The following SPON1 variants were observed in gnomAD, a reference collection of about 807,000 sequenced individuals.
SPON1 encodes the protein spondin-1.
In SPON1, 52 loss-of-function variants were observed where a neutral mutation model predicts 111.7. That is an observed-to-expected ratio of 0.47 (90% CI 0.37 to 0.59). The LOEUF is 0.59. SPON1 is among the 20% of genes least tolerant of loss of function. The pLI is 0.00. For missense variants in SPON1, 957 were observed against 1,068.5 expected (o/e 0.90, Z 1.46); for synonymous variants, 410 against 395.8 (o/e 1.04, Z -0.43).
chr11:14,132,142 G>A (rs1167308245), intron 5 of SPON1, among the ~76,000 whole-genome samples: 1 of 152,146 alleles, frequency 6.6e-6, no homozygotes, highest in East Asian at 1.9e-4. Context: ...GCTGGGCGTG[G>A]TGGCGGACGC....
At chr11:13,989,886 T>C (rs1223503174) in intron 2 of SPON1, among the ~76,000 whole-genome samples, 5 of 152,212 alleles carry the variant, frequency 3.3e-5, no homozygotes, top group Admixed American at 6.5e-5. Flanking sequence ...TGAGTTCTAG[T>C]TTGATTGCAC....
chr11:14,098,257 A>C (rs1279546833), intron 5 of SPON1, among the ~76,000 whole-genome samples: 2 of 152,204 alleles, frequency 1.3e-5, no homozygotes, highest in Non-Finnish European at 1.5e-5. Flanking sequence ...CGGCCTCCCA[A>C]AGTGCTGGGA....
chr11:13,995,240 G>C (rs1848262427), intron 2 of SPON1, among the ~76,000 whole-genome samples: 1 of 151,986 alleles, frequency 6.6e-6, no homozygotes, highest in Non-Finnish European at 1.5e-5. Flanking sequence ...CTAATGACCA[G>C]CTATGCAAAA....
At chr11:14,264,302 T>C (rs974141523) in intron 15 of SPON1, among the ~76,000 whole-genome samples, 7 of 152,168 alleles carry the variant, frequency 4.6e-5, no homozygotes, top group African/African-American at 1.7e-4. Flanking sequence ...CTGTGTTGAC[T>C]GATTTGGGGA....
rs534330944 is a variant in SPON1 at position 14,032,579 on chromosome 11, T to G, written c.346-8942T>G. On this transcript the variant is annotated intron_variant, in intron 2 of 15. Transcript: ENST00000576479. ...CTATCTCATCTATTCCTTCTGTCCA[T>G]CAAGCAAGATGGATATTATCATCCT... Among the ~76,000 whole-genome samples, 6 of 152,262 alleles carry G rather than the reference T, an allele frequency of 3.9e-5. No individual in the cohort carries two copies. The South Asian group carries it at 1.0e-3, about 26-fold the overall frequency.
At chr11:14,171,434 A>G (rs190475220) in intron 6 of SPON1, among the ~76,000 whole-genome samples, 6 of 152,268 alleles carry the variant, frequency 3.9e-5, no homozygotes, top group African/African-American at 1.4e-4. Flanking sequence ...GATCTTTTCA[A>G]AAAACCACCT....
chr11:13,968,815 T>C (rs1229392680), intron 1 of SPON1, among the ~76,000 whole-genome samples: 1 of 152,184 alleles, frequency 6.6e-6, no homozygotes, highest in Non-Finnish European at 1.5e-5. Flanking sequence ...ACACACTCCG[T>C]TGGCAAAAAT....
At chr11:13,963,172 G>A in intron 1 of SPON1, 30 bp downstream of exon 1, 1 of 1,450,360 alleles carries the variant, frequency 6.9e-7, no homozygotes, top group South Asian at 1.4e-5. Context: ...GGCATTAGGA[G>A]AGCGGGACCC....
chr11:14,124,126 T>A (rs782615968), intron 5 of SPON1, among the ~76,000 whole-genome samples: 2 of 152,134 alleles, frequency 1.3e-5, no homozygotes, highest in Non-Finnish European at 2.9e-5. Flanking sequence ...TCATATCCTA[T>A]CATGATCTGC....
chr11:14,203,298 G>T (rs1212871860), intron 6 of SPON1, among the ~76,000 whole-genome samples: 3 of 152,180 alleles, frequency 2.0e-5, no homozygotes, highest in African/African-American at 7.2e-5. Context: ...TCTCTAGCAA[G>T]CTATTTTCTT....
chr11:14,143,092 T>C (rs1847675465), intron 6 of SPON1, among the ~76,000 whole-genome samples: 1 of 152,236 alleles, frequency 6.6e-6, no homozygotes, highest in Admixed American at 6.5e-5. Context: ...CTGAGCAGTT[T>C]TGGTGACTCT....
chr11:14,260,719 G>C lies in SPON1; in HGVS notation c.1963G>C (p.Glu655Gln), dbSNP rs782144878. Reference sequence around the variant, plus strand: ...ACTTGGAGACTGCAATGAGGATCTGGAGCAGGTGGAGAAGTGCATGCTCCC... The same window carrying C: ...ACTTGGAGACTGCAATGAGGATCTGCAGCAGGTGGAGAAGTGCATGCTCCC... ...AELGDCNEDL[E>Q]QVEKCMLPEC... The change falls in exon 14 of 16, where the codon GAG (glutamate) becomes CAG (glutamine). Residue 655 changes from glutamate (E) to glutamine (Q), a missense_variant. Glu to Gln is a conservative substitution (Grantham distance 29). Transcript: ENST00000576479. 5 of 1,613,840 alleles carry C rather than the reference G, an allele frequency of 3.1e-6. No individual in the cohort carries two copies. In the South Asian group the frequency reaches 5.5e-5, roughly 18 times the overall value.
At chr11:14,114,765 C>A (rs1361091811) in intron 5 of SPON1, among the ~76,000 whole-genome samples, 1 of 152,202 alleles carries the variant, frequency 6.6e-6, no homozygotes. Context: ...TTCCACACTG[C>A]ACTGTAATTG....
At chr11:14,009,340 G>T (rs561644504) in intron 2 of SPON1, among the ~76,000 whole-genome samples, 2 of 152,106 alleles carry the variant, frequency 1.3e-5, no homozygotes, top group Non-Finnish European at 2.9e-5. Context: ...AGACACATTG[G>T]TCTTCTATGA....
intron 6 of SPON1, among the ~76,000 whole-genome samples, chr11:14,153,086 A>AT (rs1847806374): frequency 1.3e-5 from 2 of 152,142 alleles, no homozygotes; most frequent in South Asian, 2.1e-4. Flanking sequence ...GAACTTTATT[A>AT]TTTTGACCTC....
chr11:14,171,979 G>A (rs1268313331), intron 6 of SPON1, among the ~76,000 whole-genome samples: 1 of 150,738 alleles, frequency 6.6e-6, no homozygotes, highest in African/African-American at 2.4e-5. Context: ...TTGATTTGGG[G>A]TGGAGAGTTC....
intron 5 of SPON1, chr11:14,134,943 T>C (rs1270615722): frequency 2.6e-5 from 4 of 152,638 alleles, no homozygotes; most frequent in African/African-American, 4.8e-5. Flanking sequence ...GAATTAGTTA[T>C]GACTCTCCAA....
intron 3 of SPON1, 32 bp from the exon 4 acceptor site, chr11:14,075,313 C>T: frequency 4.5e-6 from 7 of 1,538,982 alleles, no homozygotes; most frequent in Non-Finnish European, 6.2e-6. Context: ...CTGCCCTCCT[C>T]ACCACTGTGC....
chr11:14,046,934 T>C (rs999916112), intron 3 of SPON1, among the ~76,000 whole-genome samples: 3 of 152,196 alleles, frequency 2.0e-5, no homozygotes, highest in Non-Finnish European at 4.4e-5. Flanking sequence ...TTTCCCCACA[T>C]AGGTAATTTA....
Sources: gnomAD v4.1 joint callset for allele counts (sites outside exome capture counted in the v4.1 genomes callset) on GRCh38, gnomAD v4.1.1 for gene constraint, MANE v1.5 for transcripts, NCBI Gene and HGNC (gene_info 2026-07-23, HGNC 2026-07-21) for gene names.